FAM135A: variants seen among roughly 807,000 people sequenced by gnomAD.
FAM135A encodes the protein family with sequence similarity 135 member A, also known as protein FAM135A.
A neutral mutation model predicts 146.8 loss-of-function variants in FAM135A; 79 were observed. The observed-to-expected ratio is 0.54, with a 90% CI of 0.45 to 0.65. The LOEUF (loss-of-function observed/expected upper bound fraction) is 0.65, where lower values mean the gene tolerates loss of function less well. Ranked by LOEUF, FAM135A falls within the 30% of genes least tolerant of loss-of-function variation. The pLI is 0.00. For missense variants in FAM135A, 1,623 were observed against 1,758.2 expected, an observed-to-expected ratio of 0.92 and a Z score of 1.38; for synonymous variants, 562 against 603.6, an observed-to-expected ratio of 0.93 and a Z score of 1.01.
At chr6:70,413,804 T>G (rs1766810783) in intron 1 of FAM135A, 102 bp downstream of exon 1, 2 of 985,272 alleles carry the variant, frequency 2.0e-6, no homozygotes, top group South Asian at 4.7e-5. Flanking sequence ...CGGCCTCCTC[T>G]TCGTCCGCCG....
intron 5 of FAM135A, among the ~76,000 whole-genome samples, chr6:70,468,775 G>C (rs944172362): frequency 6.6e-6 from 1 of 152,164 alleles, no homozygotes; most frequent in Non-Finnish European, 1.5e-5. Context: ...GAACAATTCT[G>C]ATCTCTGCAC....
intron 16 of FAM135A, among the ~76,000 whole-genome samples, chr6:70,529,602 A>C (rs1030150724): frequency 6.6e-6 from 1 of 152,144 alleles, no homozygotes; most frequent in Non-Finnish European, 1.5e-5. Flanking sequence ...TAAAAATTTT[A>C]AGAAGCAAAT....
At chr6:70,529,629 A>G (rs1475991472) in intron 16 of FAM135A, among the ~76,000 whole-genome samples, 1 of 152,172 alleles carries the variant, frequency 6.6e-6, no homozygotes, top group Non-Finnish European at 1.5e-5. Context: ...TATGTTACAT[A>G]AATTGTTCTA....
chr6:70,554,573 C>G (rs1430239898), intron 20 of FAM135A, among the ~76,000 whole-genome samples: 3 of 152,136 alleles, frequency 2.0e-5, no homozygotes, highest in Non-Finnish European at 4.4e-5. Context: ...AAATGGGTAA[C>G]AGCAGAGGAG....
At chr6:70,471,243 T>G (rs1022373828) in intron 5 of FAM135A, among the ~76,000 whole-genome samples, 5 of 152,206 alleles carry the variant, frequency 3.3e-5, no homozygotes, top group Non-Finnish European at 7.3e-5. Context: ...ATATCCTTAA[T>G]AGATTATATG....
At chr6:70,520,822 T>C (rs572927402) in intron 12 of FAM135A, among the ~76,000 whole-genome samples, 87 of 152,286 alleles carry the variant, frequency 5.7e-4, no homozygotes, top group African/African-American at 2.0e-3. Context: ...ATACCCTTAG[T>C]TGTAATAGCT....
Position 70,423,289 on chromosome 6 carries a change from C to T in FAM135A, c.-133-3150C>T, listed in dbSNP as rs139984234. ...TTTAAGGCAGTAAGATTGGAAGCCA[C>T]AGAGGGTTTGGAACAGAGGAGAGAG... On this transcript the variant is annotated intron_variant, in intron 2 of 21. Coordinates refer to ENST00000418814, the MANE Select transcript of FAM135A (RefSeq NM_001162529.3). Among the ~76,000 whole-genome samples, 6 of 152,220 alleles carry T rather than the reference C, an allele frequency of 3.9e-5. 1 individual carries two copies. The East Asian group carries it at 1.2e-3, about 29-fold the overall frequency.
intron 5 of FAM135A, among the ~76,000 whole-genome samples, chr6:70,457,321 G>C (rs1382668933): frequency 1.3e-5 from 2 of 152,136 alleles, no homozygotes; most frequent in South Asian, 2.1e-4. Flanking sequence ...ATAGTGACAG[G>C]GTGGTGCTAC....
At chr6:70,546,451 G>A (rs1208530106) in intron 20 of FAM135A, among the ~76,000 whole-genome samples, 1 of 152,078 alleles carries the variant, frequency 6.6e-6, no homozygotes, top group African/African-American at 2.4e-5. Flanking sequence ...TTTAAGCAAA[G>A]CCTCTTCTGT....
At chr6:70,425,384 C>T (rs1296791448) in intron 2 of FAM135A, among the ~76,000 whole-genome samples, 1 of 152,144 alleles carries the variant, frequency 6.6e-6, no homozygotes, top group Non-Finnish European at 1.5e-5. Context: ...TCTTCGACAT[C>T]ATTTCCACAA....
intron 21 of FAM135A, chr6:70,557,084 C>A (rs1189210932): frequency 5.3e-6 from 3 of 569,524 alleles, no homozygotes; most frequent in Non-Finnish European, 9.4e-6. Context: ...AAATGCCTCT[C>A]CATTTTGCTG....
chr6:70,510,565 G>A (rs757328101), intron 12 of FAM135A, among the ~76,000 whole-genome samples: 1 of 151,928 alleles, frequency 6.6e-6, no homozygotes, highest in Non-Finnish European at 1.5e-5. Flanking sequence ...TTAGAATAAT[G>A]TACCAAGTTT....
intron 10 of FAM135A, chr6:70,486,305 T>C (rs746015316): frequency 4.9e-5 from 71 of 1,441,684 alleles, no homozygotes; most frequent in Middle Eastern, 1.7e-4. Context: ...GAAATTTTGC[T>C]TTAAATTAGC....
intron 21 of FAM135A, among the ~76,000 whole-genome samples, chr6:70,559,351 G>C (rs1801519669): frequency 6.6e-6 from 1 of 151,840 alleles, no homozygotes; most frequent in South Asian, 2.1e-4. Flanking sequence ...GGAGACAGGA[G>C]AATGGCTTGA....
intron 11 of FAM135A, among the ~76,000 whole-genome samples, chr6:70,496,202 G>A (rs1444725900): frequency 6.6e-6 from 1 of 151,762 alleles, no homozygotes; most frequent in Non-Finnish European, 1.5e-5. Context: ...AGATCCTTAA[G>A]GAATTGCCAC....
chr6:70,530,349 C>T (rs995245132), intron 16 of FAM135A, among the ~76,000 whole-genome samples: 6 of 151,850 alleles, frequency 4.0e-5, no homozygotes, highest in Non-Finnish European at 7.4e-5. Context: ...TATTTCGAGC[C>T]TATAGAAAAC....
chr6:70,435,616 A>G (rs183300106), intron 4 of FAM135A, among the ~76,000 whole-genome samples: 25 of 150,730 alleles, frequency 1.7e-4, no homozygotes, highest in African/African-American at 6.1e-4. Context: ...ACCTCCCCGG[A>G]TCAAGCAATT....
At chr6:70,460,956 T>A (rs935970380) in intron 5 of FAM135A, among the ~76,000 whole-genome samples, 1 of 151,652 alleles carries the variant, frequency 6.6e-6, no homozygotes. Context: ...CCCGAGTAGC[T>A]GGGATTATAG....
chr6:70,430,354 A>G (rs1300438462), intron 4 of FAM135A, among the ~76,000 whole-genome samples: 1 of 146,286 alleles, frequency 6.8e-6, no homozygotes, highest in African/African-American at 2.4e-5. Context: ...AAACAAAAAA[A>G]GAAAGAGAGC....
Sources: allele counts gnomAD v4.1 joint callset (sites outside exome capture counted in the v4.1 genomes callset), GRCh38; gene constraint gnomAD v4.1.1; transcripts MANE v1.5; gene names NCBI Gene and HGNC (gene_info 2026-07-23, HGNC 2026-07-21).